The following RIMBP2 variants were observed in gnomAD, a reference collection of about 807,000 sequenced individuals.
RIMBP2 encodes RIMS-binding protein 2.
Under a neutral mutation model 118.6 loss-of-function variants are expected in RIMBP2, and 48 were observed. The ratio of observed to expected loss-of-function variants is 0.40; its 90% CI spans 0.32 to 0.51. The LOEUF is 0.51. Among genes scored for constraint, RIMBP2 ranks in the 20% least tolerant of loss-of-function variants. The pLI is 0.41. For synonymous variants in RIMBP2, 762 were observed against 742.9 expected, an observed-to-expected ratio of 1.03 and a Z score of -0.42; for missense variants, 1,551 against 1,768.3, an observed-to-expected ratio of 0.88 and a Z score of 2.20.
chr12:130,414,243 G>A lies in RIMBP2; in HGVS notation c.3302C>T (p.Ala1101Val). Reference sequence around the variant, plus strand: ...AAAGATCCGGGCCGGGAGCTCTTCGGCACCAGGGTCAGTTTCTGACTCTTC... The same window carrying A: ...AAAGATCCGGGCCGGGAGCTCTTCGACACCAGGGTCAGTTTCTGACTCTTC... ...FYEESETDPG[A>V]EELPARIFVA... The change falls in exon 18 of 23, where the codon GCC (alanine) becomes GTC (valine). Residue 1101 changes from alanine to valine, a missense_variant. Physicochemically the swap from Ala to Val is moderately conservative, Grantham distance 64. Around this residue, in one of 5 missense-constraint regions of RIMBP2, gnomAD observed 1,038 missense variants for 1,125.1 expected, o/e 0.92. Coordinates refer to ENST00000690449, the MANE Select transcript of RIMBP2 (RefSeq NM_001393629.1). 6.2e-7 allele frequency: 1 copy of A among 1,613,898 alleles called. No homozygotes were observed. The highest frequency in any genetic ancestry group is 8.5e-7 in the Non-Finnish European group (1 of 1,179,892).
chr12:130,453,227 C>T (rs76898022), intron 7 of RIMBP2, among the ~76,000 whole-genome samples: 1 of 126,856 alleles, frequency 7.9e-6, no homozygotes, highest in African/African-American at 2.5e-5. Flanking sequence ...GCAACGCCTG[C>T]CCTCACATAC....
chr12:130,577,632 G>A (rs142004291), intron 2 of RIMBP2, among the ~76,000 whole-genome samples: 2 of 152,256 alleles, frequency 1.3e-5, no homozygotes, highest in Non-Finnish European at 2.9e-5. Flanking sequence ...CCCTTGACTC[G>A]TGGGGATTAC....
intron 3 of RIMBP2, 26 bp downstream of exon 3, chr12:130,517,802 G>A: frequency 1.1e-6 from 1 of 952,174 alleles, no homozygotes; most frequent in South Asian, 4.9e-5. Context: ...GGCCCCAGAT[G>A]GTCTGTGGAC....
rs2136384711 is a variant in RIMBP2, at chr12:130,407,741, G to A, written c.3678C>T (p.Pro1226=). ...LYDYDPRESS[P]NVDVEAELTF... is the part of the protein sequence containing the mutation. ...TGGCTGGTACCTCGACATCGACGTT[G>A]GGCGAGCTTTCTCTGGGGTCGTAGT... Residue 1226 remains proline (P), a synonymous_variant, in exon 20 of 23, where the codon CCC becomes CCT. Transcript: ENST00000690449. The A allele has an allele frequency of 6.2e-7, 1 of 1,613,850 alleles. No individual in the cohort carries two copies. The highest frequency in any genetic ancestry group is 8.5e-7 in the Non-Finnish European group (1 of 1,179,722).
chr12:130,601,575 A>C (rs1303052841), intron 2 of RIMBP2, among the ~76,000 whole-genome samples: 1 of 152,174 alleles, frequency 6.6e-6, no homozygotes, highest in Admixed American at 6.6e-5. Flanking sequence ...TAGAGACCTC[A>C]GTGTTTGGGG....
At chr12:130,527,170 G>A (rs1015197617) in intron 2 of RIMBP2, among the ~76,000 whole-genome samples, 1 of 152,190 alleles carries the variant, frequency 6.6e-6, no homozygotes, top group African/African-American at 2.4e-5. Context: ...GTAATTTGGG[G>A]AAAATTATTA....
rs2060999839 is a variant in RIMBP2, at chr12:130,617,207, C to T, written c.-217+11115G>A. Among the ~76,000 whole-genome samples, 1 of 151,714 alleles carries T rather than the reference C, an allele frequency of 6.6e-6. No homozygotes were observed. Among genetic ancestry groups the T allele is most frequent in the Admixed American group, 6.6e-5 (1 of 15,230 alleles). ...CCCCCGCCCCGAGTTAGTGCTGCCA[C>T]CTCCATCCAGCACACAAGGGATGCA... On this transcript the variant is annotated intron_variant, in intron 2 of 22. Transcript: ENST00000690449. The surrounding 1 kb of genome is among the most constrained non-coding windows in gnomAD (Gnocchi z 4.6).
chr12:130,545,566 G>T (rs1456880529), intron 2 of RIMBP2, among the ~76,000 whole-genome samples: 2 of 152,162 alleles, frequency 1.3e-5, no homozygotes, highest in Non-Finnish European at 2.9e-5. Context: ...GCTCAAAAAT[G>T]TAAAATTGCA....
At chr12:130,421,724 T>TGTGTGTGTGTGTG (rs1566004674) in intron 17 of RIMBP2, among the ~76,000 whole-genome samples, 3 of 151,480 alleles carry the variant, frequency 2.0e-5, no homozygotes, top group African/African-American at 4.9e-5. Context: ...TGTGTGTGTG[T>TGTGTGTGTGTGTG]TTTCATAGAA....
At chr12:130,524,013 G>A (rs2139188152) in intron 2 of RIMBP2, among the ~76,000 whole-genome samples, 1 of 152,248 alleles carries the variant, frequency 6.6e-6, no homozygotes, top group Admixed American at 6.5e-5. Context: ...CAATCTCCTG[G>A]CCACACTGGA....
chr12:130,560,151 A>G (rs905856221), intron 2 of RIMBP2, among the ~76,000 whole-genome samples: 3 of 152,222 alleles, frequency 2.0e-5, no homozygotes, highest in Non-Finnish European at 4.4e-5. Flanking sequence ...AATGTGTTCT[A>G]AAGGCAAAGT....
chr12:130,551,831 C>A (rs1027225140), intron 2 of RIMBP2, among the ~76,000 whole-genome samples: 1 of 152,222 alleles, frequency 6.6e-6, no homozygotes, highest in African/African-American at 2.4e-5. Context: ...CACAAAGGGG[C>A]CTTCCAGTCA....
intron 4 of RIMBP2, among the ~76,000 whole-genome samples, chr12:130,501,467 T>G (rs1392800871): frequency 6.6e-6 from 1 of 152,200 alleles, no homozygotes; most frequent in East Asian, 1.9e-4. Context: ...CAGCACTAGC[T>G]AAATTAGGTC....
At chr12:130,548,252 A>G (rs1035667157) in intron 2 of RIMBP2, among the ~76,000 whole-genome samples, 2 of 152,188 alleles carry the variant, frequency 1.3e-5, no homozygotes, top group Non-Finnish European at 2.9e-5. Flanking sequence ...GAGACAAAGC[A>G]AACTGAGGCA....
chr12:130,541,390 T>C (rs1877980), intron 2 of RIMBP2, among the ~76,000 whole-genome samples: 94,741 of 151,662 alleles, frequency 0.62, 31,684 homozygotes, highest in Non-Finnish European at 0.76. Flanking sequence ...TCCAGTCTGA[T>C]GCTGAGGCAT....
rs1491325982 is a variant in RIMBP2 at position 130,511,161 on chromosome 12, C to CA, written c.-126-4392dup. Among the ~76,000 whole-genome samples the CA allele has an allele frequency of 1.5e-4, 19 of 130,418 alleles. No individual in the cohort carries two copies. The highest frequency in any genetic ancestry group is 2.5e-4 in the Non-Finnish European group (14 of 55,802). 85.6% of individuals were successfully genotyped at this position (130,418 alleles called of 152,430 possible). A position where few individuals can be genotyped will look rare whatever the true frequency, so the allele number is the denominator to read the frequency against. ...TTATCAGGAAAAGCAGAGTCAGAGACAAAAAAGAGAGAGCTTAGGTGATGC... is the reference window on the plus strand; with the variant it reads ...TTATCAGGAAAAGCAGAGTCAGAGACAAAAAAAGAGAGAGCTTAGGTGATGC... On this transcript the variant is annotated intron_variant, in intron 3 of 22. Coordinates refer to ENST00000690449, the MANE Select transcript of RIMBP2 (RefSeq NM_001393629.1). The surrounding 1 kb of genome is among the most constrained non-coding windows in gnomAD (Gnocchi z 4.3).
intron 19 of RIMBP2, among the ~76,000 whole-genome samples, chr12:130,409,776 G>GT (rs1255566439): frequency 6.6e-6 from 1 of 152,084 alleles, no homozygotes; most frequent in Non-Finnish European, 1.5e-5. Flanking sequence ...CCTTCGTTCT[G>GT]TTTCTGTCAC....
chr12:130,651,813 T>C (rs1363375300), intron 1 of RIMBP2, among the ~76,000 whole-genome samples: 1 of 152,218 alleles, frequency 6.6e-6, no homozygotes, highest in Non-Finnish European at 1.5e-5. Flanking sequence ...GCTCTACTCT[T>C]CGTTGAGAGA....
chr12:130,401,288 G>GTAT (rs1260310303), intron 21 of RIMBP2, among the ~76,000 whole-genome samples: 1 of 151,932 alleles, frequency 6.6e-6, no homozygotes, highest in Non-Finnish European at 1.5e-5. Context: ...GCTAATTTTT[G>GTAT]TATTTTTAGT....
Sources: allele counts gnomAD v4.1 joint callset (sites outside exome capture counted in the v4.1 genomes callset), GRCh38; gene constraint gnomAD v4.1.1; regional missense constraint gnomAD v4.1.1; non-coding constraint Gnocchi (gnomAD v3.1); transcripts MANE v1.5; gene names NCBI Gene and HGNC (gene_info 2026-07-23, HGNC 2026-07-21).